The following ATP11C variants were observed in gnomAD, a reference collection of about 807,000 sequenced individuals.
ATP11C encodes the protein ATPase phospholipid transporting 11C (ATP11C blood group).
In ATP11C, 36 loss-of-function variants were observed where a neutral mutation model predicts 97.4. That is an observed-to-expected ratio of 0.37 (90% CI 0.28 to 0.49). The LOEUF (loss-of-function observed/expected upper bound fraction) is 0.49, where lower values mean the gene tolerates loss of function less well. Ranked by LOEUF, ATP11C falls within the 20% of genes least tolerant of loss-of-function variation. The pLI is 0.98. For synonymous variants in ATP11C, 275 were observed against 290.9 expected, an observed-to-expected ratio of 0.95 and a Z score of 0.56; for missense variants, 730 against 824.6, an observed-to-expected ratio of 0.89 and a Z score of 1.40.
At chrX:139,935,189 T>A (rs2085511536), upstream of ATP11C, among the ~76,000 whole-genome samples, 1 of 112,355 alleles carries the variant, frequency 8.9e-6, no homozygotes, top group African/African-American at 3.2e-5. Context: ...CTGAAATTTT[T>A]TTTTGTTTGC....
chrX:139,805,055 G>A (rs2147799723), intron 5 of ATP11C, among the ~76,000 whole-genome samples: 1 of 111,705 alleles, frequency 9.0e-6, no homozygotes, highest in Admixed American at 9.5e-5. Context: ...TTGGGTGCCA[G>A]GTCCTTCTTC....
chrX:139,806,702 A>ATGCC (rs996053121), intron 5 of ATP11C, among the ~76,000 whole-genome samples: 1 of 111,939 alleles, frequency 8.9e-6, no homozygotes, highest in African/African-American at 3.3e-5. Flanking sequence ...CTGAGTGTTC[A>ATGCC]TGAGAAAGCA....
chrX:139,822,709 T>C (rs1446510806), intron 2 of ATP11C, among the ~76,000 whole-genome samples: 2 of 108,587 alleles, frequency 1.8e-5, no homozygotes, highest in Non-Finnish European at 3.8e-5. Context: ...CCACCGCGCC[T>C]GGCCAATTTT....
At chrX:139,921,211 T>C (rs1382960014) in intron 1 of ATP11C, among the ~76,000 whole-genome samples, 2 of 111,486 alleles carry the variant, frequency 1.8e-5, no homozygotes, top group Admixed American at 1.9e-4. Context: ...GGGTGATATG[T>C]GTCCCCACCC....
At chrX:139,913,329 A>G (rs1014578228) in intron 1 of ATP11C, among the ~76,000 whole-genome samples, 5 of 111,873 alleles carry the variant, frequency 4.5e-5, no homozygotes, top group Non-Finnish European at 7.5e-5. Flanking sequence ...ATTTGAGTTT[A>G]ATTAATTCTA....
Position 139,796,357 on chromosome X carries a change from G to A in ATP11C, c.1122C>T (p.Ile374=). 5.0e-6 allele frequency: 6 copies of A among 1,204,457 alleles called. No individual in the cohort carries two copies. Among genetic ancestry groups the A allele is most frequent in the South Asian group, 1.8e-5 (1 of 56,281 alleles). Residue 374 remains isoleucine (I), a synonymous_variant, in exon 12 of 30, where the codon ATC becomes ATT. Coordinates refer to ENST00000682941, the MANE Select transcript of ATP11C (RefSeq NM_001353812.2). ...EMQKFLGSFF[I]SWDKDFYDEE... ...CATCATAAAAGTCCTTATCCCATGA[G>A]ATGAAGAAGGAGCCCAAGAATTTCT... is the stretch of plus-strand genomic sequence containing the variant.
chrX:139,879,751 G>A (rs2084532910), intron 1 of ATP11C, among the ~76,000 whole-genome samples: 1 of 111,946 alleles, frequency 8.9e-6, no homozygotes, highest in South Asian at 3.7e-4. Flanking sequence ...ACCCATTAGG[G>A]AATTTGCGCA....
intron 2 of ATP11C, among the ~76,000 whole-genome samples, chrX:139,825,313 C>T (rs907444278): frequency 9.0e-6 from 1 of 111,429 alleles, no homozygotes; most frequent in Non-Finnish European, 1.9e-5. Flanking sequence ...TGCTTGGTGA[C>T]CATGTGCCTA....
intron 19 of ATP11C, among the ~76,000 whole-genome samples, chrX:139,771,786 C>CA (rs2082259288): frequency 2.7e-5 from 3 of 111,358 alleles, no homozygotes; most frequent in Admixed American, 1.9e-4. Flanking sequence ...TTCTAAGGAG[C>CA]AAAGCATTCA....
Position 139,731,839 on chromosome X carries a change from G to GA in ATP11C, c.3289-85dup, listed in dbSNP as rs371274251. 8 of 553,814 alleles carry GA rather than the reference G, an allele frequency of 1.4e-5. No individual in the cohort carries two copies. The African/African-American group carries it at 1.9e-4, about 13-fold the overall frequency. The allele number at this position is 553,814 out of a possible 1,213,427, so 45.6% of individuals were successfully genotyped here. ...ATTATATATTTAAAAAAAGGTAAAA[G>GA]AAAAAAATCATTTCCTATAGACTAC... On this transcript the variant is annotated intron_variant, in intron 28 of 29. Transcript: ENST00000682941.
At chrX:139,773,467 C>T (rs751973154) in intron 19 of ATP11C, among the ~76,000 whole-genome samples, 1 of 111,501 alleles carries the variant, frequency 9.0e-6, no homozygotes, top group Admixed American at 9.5e-5. Flanking sequence ...AATCACAGAA[C>T]TTTAGCCTCC....
chrX:139,835,747 G>A (rs1195921359), intron 1 of ATP11C, among the ~76,000 whole-genome samples: 3 of 106,837 alleles, frequency 2.8e-5, no homozygotes, highest in Admixed American at 1.0e-4. Flanking sequence ...AAATGTGGCC[G>A]GCCGAGTGTG....
In ATP11C at chrX:139,763,912, G is replaced by A. The variant is rs755439119; in HGVS notation, c.2392-494C>T. Among the ~76,000 whole-genome samples, 14 of 111,640 alleles carry A rather than the reference G, an allele frequency of 1.3e-4. No homozygotes were observed. The South Asian group carries it at 4.5e-3, about 36-fold the overall frequency. On this transcript the variant is annotated intron_variant, in intron 20 of 29. Coordinates refer to ENST00000682941, the MANE Select transcript of ATP11C (RefSeq NM_001353812.2). ...ACTTGTCCTAGTTCTATGCATATAT[G>A]AACTATCAAAAACTTTGCCTCTCAT...
chrX:139,886,937 C>T, intron 1 of ATP11C, among the ~76,000 whole-genome samples: 1 of 110,297 alleles, frequency 9.1e-6, no homozygotes, highest in South Asian at 3.8e-4. Context: ...GTACTCATAC[C>T]AATTGATTTC....
In ATP11C at chrX:139,797,290, G is replaced by T; in HGVS notation, c.894C>A (p.Ile298=). The T allele has an allele frequency of 8.5e-7, 1 of 1,180,158 alleles. No homozygotes were observed. Among genetic ancestry groups the T allele is most frequent in the Non-Finnish European group, 1.1e-6 (1 of 874,572 alleles). ...TGCATACTGCAGCTTTGGTCAGTAA[G>T]ATAAATAAATATACAATCAGGAAAG... ...INAFLIVYLF[I]LLTKAAVCTT... is the part of the protein sequence containing the mutation. Residue 298 remains isoleucine, a synonymous_variant, in exon 11 of 30, where the codon ATC becomes ATA. Coordinates refer to ENST00000682941, the MANE Select transcript of ATP11C (RefSeq NM_001353812.2).
At chrX:139,781,003 T>G (rs900130076) in intron 18 of ATP11C, among the ~76,000 whole-genome samples, 18 of 111,250 alleles carry the variant, frequency 1.6e-4, no homozygotes, top group African/African-American at 5.9e-4. Context: ...ATGGGATCAA[T>G]GGAAGCCCAA....
intron 1 of ATP11C, among the ~76,000 whole-genome samples, chrX:139,865,528 G>A (rs929626956): frequency 8.1e-5 from 9 of 110,941 alleles, no homozygotes; most frequent in African/African-American, 2.0e-4. Flanking sequence ...TTGGGAGGCC[G>A]AGGCGGGCGG....
In ATP11C at chrX:139,853,833, C is replaced by CAAAAAAAAAAAAAAAAAAAAAAAAAA. The variant is rs934664774; in HGVS notation, c.28-27036_28-27011dup. Among the ~76,000 whole-genome samples the CAAAAAAAAAAAAAAAAAAAAAAAAAA allele has an allele frequency of 9.4e-5, 2 of 21,270 alleles. 1 individual carries two copies. Among genetic ancestry groups the CAAAAAAAAAAAAAAAAAAAAAAAAAA allele is most frequent in the Non-Finnish European group, 1.6e-4 (2 of 12,246 alleles). 18.5% of individuals were successfully genotyped at this position (21,270 alleles called of 115,157 possible). On this transcript the variant is annotated intron_variant, in intron 1 of 29. Transcript: ENST00000682941. ...TCACCAGTTCAGAACTATCCTAAGT[C>CAAAAAAAAAAAAAAAAAAAAAAAAAA]AAAAAAAAAAAAAAAAAAAAAAAAA...
At chrX:139,936,121 G>C (rs2085514809), upstream of ATP11C, among the ~76,000 whole-genome samples, 1 of 111,337 alleles carries the variant, frequency 9.0e-6, no homozygotes, top group Admixed American at 9.5e-5. Flanking sequence ...AACATAGCAA[G>C]ACCTCATCTT....
Sources: allele counts gnomAD v4.1 joint callset (sites outside exome capture counted in the v4.1 genomes callset), GRCh38; gene constraint gnomAD v4.1.1; transcripts MANE v1.5; gene names NCBI Gene and HGNC (gene_info 2026-07-23, HGNC 2026-07-21).